Variants in RBFOX1 observed in about 807,000 individuals in gnomAD.
RBFOX1 encodes RNA binding protein fox-1 homolog 1.
RBFOX1 carries 8 observed loss-of-function variants against 57.7 expected under a neutral mutation model. That is an observed-to-expected ratio of 0.14 (90% CI 0.08 to 0.25). The LOEUF is 0.25. Ranked by LOEUF, RBFOX1 falls within the 10% of genes least tolerant of loss-of-function variation. The pLI, the probability that RBFOX1 is intolerant of heterozygous loss-of-function variation, is 1.00. For synonymous variants in RBFOX1, 326 were observed against 222.4 expected (o/e 1.47, Z -4.15); for missense variants, 611 against 548.5 (o/e 1.11, Z -1.14).
chr16:7,196,105 C>G (rs2086632367), intron 4 of RBFOX1, among the ~76,000 whole-genome samples: 1 of 151,966 alleles, frequency 6.6e-6, no homozygotes, highest in African/African-American at 2.4e-5. Flanking sequence ...GCTCTTTTCT[C>G]TTCATCATCC....
chr16:7,124,518 TCCCCTC>T (rs1273547444), intron 4 of RBFOX1, among the ~76,000 whole-genome samples: 2 of 27,194 alleles, frequency 7.4e-5, no homozygotes, highest in African/African-American at 1.3e-4. Flanking sequence ...TCCCCTCCCC[TCCCCTC>T]CCCTCCTTCC....
At chr16:5,431,746 C>T (rs1396395686) in intron 1 of RBFOX1, among the ~76,000 whole-genome samples, 1 of 152,124 alleles carries the variant, frequency 6.6e-6, no homozygotes, top group African/African-American at 2.4e-5. Context: ...CAGAAGATGG[C>T]AAGTTTGCTT....
chr16:6,364,198 A>T (rs2243923), intron 2 of RBFOX1, among the ~76,000 whole-genome samples: 1 of 152,080 alleles, frequency 6.6e-6, no homozygotes, highest in African/African-American at 2.4e-5. Context: ...TTCAAATTGC[A>T]TGCTTCGAAG....
chr16:5,897,882 G>A (rs936655762), intron 4 of RBFOX1, among the ~76,000 whole-genome samples: 2 of 140,062 alleles, frequency 1.4e-5, no homozygotes, highest in African/African-American at 5.4e-5. Context: ...AATATTACAT[G>A]TTTGAGCTTT....
chr16:6,263,692 T>C (rs2097715608), intron 1 of RBFOX1, among the ~76,000 whole-genome samples: 1 of 152,102 alleles, frequency 6.6e-6, no homozygotes, highest in East Asian at 1.9e-4. Context: ...GCTCCATTTG[T>C]TTTTGTAAAT....
chr16:5,396,848 G>A (rs545081098), intron 1 of RBFOX1, among the ~76,000 whole-genome samples: 1 of 152,206 alleles, frequency 6.6e-6, no homozygotes, highest in African/African-American at 2.4e-5. Context: ...GAACTTCGTT[G>A]TCTCAAAGTG....
intron 2 of RBFOX1, among the ~76,000 whole-genome samples, chr16:6,351,828 G>A (rs932985390): frequency 6.6e-5 from 10 of 152,140 alleles, no homozygotes; most frequent in Admixed American, 1.3e-4. Context: ...CCTGAGGTAC[G>A]TAAAATGTTG....
At chr16:7,386,975 C>A (rs1399684290) in intron 4 of RBFOX1, among the ~76,000 whole-genome samples, 1 of 152,124 alleles carries the variant, frequency 6.6e-6, no homozygotes. Flanking sequence ...TCTCTAATGA[C>A]CAGTGATAAA....
chr16:6,867,677 C>T (rs553025259), intron 3 of RBFOX1, among the ~76,000 whole-genome samples: 1 of 152,252 alleles, frequency 6.6e-6, no homozygotes, highest in Admixed American at 6.5e-5. Flanking sequence ...GCCGAGATTG[C>T]CTGGGTGACA....
intron 3 of RBFOX1, among the ~76,000 whole-genome samples, chr16:6,854,509 C>G (rs1456053026): frequency 2.6e-5 from 4 of 151,454 alleles, no homozygotes; most frequent in African/African-American, 2.4e-5. Flanking sequence ...GGGACTTTCT[C>G]TCAGGTTACC....
rs550173474 is a variant in RBFOX1, at chr16:6,984,115, C to A, written c.-15-67942C>A. Among the ~76,000 whole-genome samples the A allele has an allele frequency of 3.5e-4, 54 of 152,268 alleles. 1 individual carries two copies. Among genetic ancestry groups the A allele is most frequent in the African/African-American group, 1.2e-3 (51 of 41,556 alleles). On this transcript the variant is annotated intron_variant, in intron 3 of 15. Coordinates refer to ENST00000550418, the MANE Select transcript of RBFOX1 (RefSeq NM_018723.4). ...ATACGAAATTAGCCGAGTATGATGG[C>A]AGGCGCTTGTAATCTCAGCAACTTG...
intron 4 of RBFOX1, among the ~76,000 whole-genome samples, chr16:5,891,345 T>C (rs1473806943): frequency 6.6e-6 from 1 of 152,170 alleles, no homozygotes; most frequent in Non-Finnish European, 1.5e-5. Context: ...GGGATGCCCT[T>C]GGTTTCAAGT....
Position 7,690,524 on chromosome 16 carries a change from G to A in RBFOX1, c.995+13686G>A, listed in dbSNP as rs113963877. ...CAGACCAGTTTGTGGAAAATCAGGTGCATTTTGAAGTTTAAATTCACGGGT... is the reference window on the plus strand; with the variant it reads ...CAGACCAGTTTGTGGAAAATCAGGTACATTTTGAAGTTTAAATTCACGGGT... On this transcript the variant is annotated intron_variant, in intron 14 of 15. Coordinates refer to ENST00000550418, the MANE Select transcript of RBFOX1 (RefSeq NM_018723.4). 6.1e-3 allele frequency among the ~76,000 whole-genome samples: 934 copies of A among 152,200 alleles called. 5 individuals are homozygous for A. The highest frequency in any genetic ancestry group is 0.022 in the African/African-American group (896 of 41,526).
At chr16:5,709,053 C>T (rs181543032) in intron 3 of RBFOX1, among the ~76,000 whole-genome samples, 7 of 152,334 alleles carry the variant, frequency 4.6e-5, no homozygotes, top group East Asian at 1.9e-4. Context: ...CGATATTCAA[C>T]CCCATAATAG....
intron 1 of RBFOX1, among the ~76,000 whole-genome samples, chr16:5,382,024 C>G (rs543767521): frequency 6.6e-6 from 1 of 152,210 alleles, no homozygotes; most frequent in Non-Finnish European, 1.5e-5. Flanking sequence ...ACTGGGACAA[C>G]CGAAAATGTC....
intron 2 of RBFOX1, among the ~76,000 whole-genome samples, chr16:6,528,146 T>C (rs2096607144): frequency 1.3e-5 from 2 of 152,174 alleles, no homozygotes; most frequent in African/African-American, 2.4e-5. Context: ...ACCTAAACCT[T>C]GATTCTGTTA....
chr16:7,483,965 C>G (rs72773021), intron 4 of RBFOX1, among the ~76,000 whole-genome samples: 4 of 152,190 alleles, frequency 2.6e-5, no homozygotes, highest in African/African-American at 7.2e-5. Flanking sequence ...GTTCCTTGAC[C>G]TTAAGTTTCC....
intron 3 of RBFOX1, among the ~76,000 whole-genome samples, chr16:6,938,905 C>A (rs1412669587): frequency 6.6e-6 from 1 of 152,126 alleles, no homozygotes; most frequent in South Asian, 2.1e-4. Context: ...GCACTCCAGC[C>A]TGGGTGACAT....
rs976384085 is a variant in RBFOX1, at chr16:7,040,252, C to G, written c.-15-11805C>G. ...GCCAGGATGGTCTCGATCTCTTGAC[C>G]TCATGGTCCTCCTGCCTCAGCCTCC... On this transcript the variant is annotated intron_variant, in intron 3 of 15. Coordinates refer to ENST00000550418, the MANE Select transcript of RBFOX1 (RefSeq NM_018723.4). 5.3e-5 allele frequency among the ~76,000 whole-genome samples: 8 copies of G among 152,112 alleles called. No homozygotes were observed. In the East Asian group the frequency reaches 1.4e-3, roughly 26 times the overall value.
Sources: gnomAD v4.1 joint callset for allele counts (sites outside exome capture counted in the v4.1 genomes callset) on GRCh38, gnomAD v4.1.1 for gene constraint, MANE v1.5 for transcripts, NCBI Gene and HGNC (gene_info 2026-07-23, HGNC 2026-07-21) for gene names.